The following SLC6A18 variants were observed in gnomAD, a reference collection of about 807,000 sequenced individuals.
The protein encoded by SLC6A18 is solute carrier family 6 member 18.
A neutral mutation model predicts 62.9 loss-of-function variants in SLC6A18; 58 were observed. The ratio of observed to expected loss-of-function variants is 0.92; its 90% CI spans 0.75 to 1.15. The LOEUF is 1.15. SLC6A18 is among the 50% of genes most tolerant of loss of function. The pLI is 0.00. For missense variants in SLC6A18, 793 were observed against 836.6 expected (o/e 0.95, Z 0.64); for synonymous variants, 382 against 365.8 (o/e 1.04, Z -0.51).
In SLC6A18 at chr5:1,240,661, T is replaced by C; in HGVS notation, c.974+2T>C. 5.6e-6 allele frequency: 9 copies of C among 1,613,506 alleles called. No individual in the cohort carries two copies. Among genetic ancestry groups the C allele is most frequent in the Non-Finnish European group, 7.6e-6 (9 of 1,179,894 alleles). On this transcript the variant is annotated splice_donor_variant, in intron 7 of 11. Transcript: ENST00000324642. LOFTEE classifies it high-confidence loss of function. ...TGACTACGAGCACTGCCTGGACAGG[T>C]GAGCACAGGTGCCGCGCCTGGCTCT...
chr5:1,243,613 C>CG lies in SLC6A18; in HGVS notation c.1195dup (p.Ala399GlyfsTer39). On this transcript the variant is annotated frameshift_variant, in exon 9 of 12. Coordinates refer to ENST00000324642, the MANE Select transcript of SLC6A18 (RefSeq NM_182632.3). LOFTEE classifies it high-confidence loss of function. This position sits in a 1 kb window ranked among gnomAD's most constrained non-coding sequence, Gnocchi z 6.5. ...TTCACGGAGACCGACCTCCACATGCCGGGGGCTCCTGTGTGGGCCATGCTC... is the reference window on the plus strand; with the variant it reads ...TTCACGGAGACCGACCTCCACATGCCGGGGGGCTCCTGTGTGGGCCATGCTC... The CG allele has an allele frequency of 1.2e-6, 2 of 1,614,014 alleles. No individual in the cohort carries two copies. The highest frequency in any genetic ancestry group is 8.5e-7 in the Non-Finnish European group (1 of 1,179,990).
rs375818512 is a variant in SLC6A18, at chr5:1,245,883, G to C, written c.1692G>C (p.Pro564=). The C allele has an allele frequency of 1.9e-6, 3 of 1,608,314 alleles. No homozygotes were observed. Among genetic ancestry groups the C allele is most frequent in the Non-Finnish European group, 1.7e-6 (2 of 1,179,202 alleles). ...CCTCGCGTCAGGAGAAGCTCTACCC[G>C]GGCTGGGCGCGCGCCGCCTGTGTGC... is the stretch of plus-strand genomic sequence containing the variant. ...LFPSRQEKLY[P]GWARAACVLL... The change falls in exon 12 of 12, where the codon CCG becomes CCC. Residue 564 remains proline (P), a synonymous_variant. Transcript: ENST00000324642.
Position 1,243,403 on chromosome 5 carries a change from G to C in SLC6A18, c.1132-152G>C, listed in dbSNP as rs899903833. On this transcript the variant is annotated intron_variant, in intron 8 of 11. Transcript: ENST00000324642. The surrounding 1 kb of genome is among the most constrained non-coding windows in gnomAD (Gnocchi z 6.5). ...TGCAGCCTCGTCTCCCAGAAGGCAT[G>C]GCCAGCCCTGAGCCACCTCAGCCCG... The C allele has an allele frequency of 3.6e-6, 3 of 824,092 alleles. No individual in the cohort carries two copies. The African/African-American group carries it at 5.1e-5, about 14-fold the overall frequency. 51.0% of individuals were successfully genotyped at this position (824,092 alleles called of 1,614,324 possible). A position where few individuals can be genotyped will look rare whatever the true frequency, so the allele number is the denominator to read the frequency against.
In SLC6A18 at chr5:1,245,894, G is replaced by C; in HGVS notation, c.1703G>C (p.Arg568Pro). The change falls in exon 12 of 12, where the codon CGC (arginine) becomes CCC (proline). Residue 568 changes from arginine to proline, a missense_variant. By Grantham distance (103) the Arg-to-Pro change is moderately radical. Coordinates refer to ENST00000324642, the MANE Select transcript of SLC6A18 (RefSeq NM_182632.3). ...RQEKLYPGWA[R>P]AACVLLSLLP... ...GAGAAGCTCTACCCGGGCTGGGCGC[G>C]CGCCGCCTGTGTGCTGCTGTCCTTG... is the stretch of plus-strand genomic sequence containing the variant. 3 of 1,607,816 alleles carry C rather than the reference G, an allele frequency of 1.9e-6. No homozygotes were observed. Among genetic ancestry groups the C allele is most frequent in the Non-Finnish European group, 2.5e-6 (3 of 1,179,284 alleles).
chr5:1,242,368 C>T (rs1056701061), intron 7 of SLC6A18, among the ~76,000 whole-genome samples: 2 of 151,318 alleles, frequency 1.3e-5, no homozygotes, highest in South Asian at 2.1e-4. Flanking sequence ...GGCGTCCACA[C>T]GATCCCAACA....
At position 1,244,773 on chromosome 5, in the gene SLC6A18, T is replaced by C. The variant is rs1222818409; in HGVS notation, c.1656+6T>C. On this transcript the variant is annotated splice_donor_region_variant and intron_variant, in intron 11 of 11. Coordinates refer to ENST00000324642, the MANE Select transcript of SLC6A18 (RefSeq NM_182632.3). Reference sequence around the variant, plus strand: ...AGGCCTGGAACCCCAAATACGTAGGTCCTTCCGGTGGGAACCTGGGAAGTC... The same window carrying C: ...AGGCCTGGAACCCCAAATACGTAGGCCCTTCCGGTGGGAACCTGGGAAGTC... The C allele has an allele frequency of 1.3e-6, 2 of 1,592,988 alleles. No homozygotes were observed. The highest frequency in any genetic ancestry group is 1.7e-5 in the Admixed American group (1 of 59,048).
intron 1 of SLC6A18, among the ~76,000 whole-genome samples, chr5:1,227,276 G>A (rs1022587046): frequency 5.3e-5 from 8 of 152,188 alleles, no homozygotes; most frequent in Non-Finnish European, 8.8e-5. Context: ...TCCACGCTGG[G>A]GCAAAGCTGG....
At chr5:1,228,927 C>T (rs759297315) in intron 1 of SLC6A18, among the ~76,000 whole-genome samples, 2 of 152,184 alleles carry the variant, frequency 1.3e-5, no homozygotes, top group Non-Finnish European at 2.9e-5. Context: ...GGAATCAACG[C>T]TTCTTCTTCC....
At chr5:1,230,150 A>G (rs1746691562) in intron 1 of SLC6A18, among the ~76,000 whole-genome samples, 2 of 60,398 alleles carry the variant, frequency 3.3e-5, no homozygotes. Flanking sequence ...TTCACAGTGC[A>G]GGCTGGTCGT....
chr5:1,237,927 A>G (rs1245721073), intron 4 of SLC6A18, 23 bp from the exon 5 acceptor site: 42 of 1,594,542 alleles, frequency 2.6e-5, no homozygotes, highest in Non-Finnish European at 3.2e-5. Context: ...TTCAAGTCTC[A>G]TGACTCCACC....
At chr5:1,228,482 G>A (rs1280580546) in intron 1 of SLC6A18, among the ~76,000 whole-genome samples, 2 of 152,222 alleles carry the variant, frequency 1.3e-5, no homozygotes. Context: ...CATTTGCTCA[G>A]TGGCTGCACT....
intron 1 of SLC6A18, among the ~76,000 whole-genome samples, chr5:1,227,043 G>A (rs149199651): frequency 4.4e-5 from 6 of 135,752 alleles, no homozygotes; most frequent in Admixed American, 2.8e-4. Flanking sequence ...GCCCGCCGAC[G>A]CCTTGCCCGC....
intron 1 of SLC6A18, among the ~76,000 whole-genome samples, chr5:1,231,575 A>G (rs984432187): frequency 6.6e-6 from 1 of 152,206 alleles, no homozygotes; most frequent in African/African-American, 2.4e-5. Context: ...GGAACAGAGC[A>G]GCTCATGCCA....
At chr5:1,244,036 G>C (rs1346498556) in intron 9 of SLC6A18, among the ~76,000 whole-genome samples, 178 bp from the exon 10 acceptor site, 1 of 152,120 alleles carries the variant, frequency 6.6e-6, no homozygotes, top group Admixed American at 6.5e-5. Context: ...CACAATACAG[G>C]AAAGAGACTG....
Position 1,239,524 on chromosome 5 carries a change from C to A in SLC6A18, c.807C>A (p.Phe269Leu), listed in dbSNP as rs137936927. 1.2e-6 allele frequency: 2 copies of A among 1,614,162 alleles called. No homozygotes were observed. Among genetic ancestry groups the A allele is most frequent in the East Asian group, 4.5e-5 (2 of 44,882 alleles). ...TATTCTTCTCTCTGTCCCTGGCCTTCGGAGGACACATCGCTTTTGCAAGTT... is the reference window on the plus strand; with the variant it reads ...TATTCTTCTCTCTGTCCCTGGCCTTAGGAGGACACATCGCTTTTGCAAGTT... ...TQIFFSLSLA[F>L]GGHIAFASYN... Residue 269 changes from phenylalanine to leucine, a missense_variant, in exon 6 of 12, where the codon TTC (phenylalanine) becomes TTA (leucine). Physicochemically the swap from Phe to Leu is conservative, Grantham distance 22. Transcript: ENST00000324642.
chr5:1,232,630 T>G (rs1414480597), intron 2 of SLC6A18, 121 bp from the exon 3 acceptor site: 1 of 1,419,912 alleles, frequency 7.0e-7, no homozygotes, highest in Non-Finnish European at 9.4e-7. Context: ...AGGCCTGGCT[T>G]TCAGCTGCGC....
intron 10 of SLC6A18, 82 bp from the exon 11 acceptor site, chr5:1,244,526 C>T (rs1198943693): frequency 6.5e-7 from 1 of 1,547,328 alleles, no homozygotes; most frequent in Non-Finnish European, 8.7e-7. Flanking sequence ...CAGGTTGGAC[C>T]CCAGTTAGGG....
Position 1,243,498 on chromosome 5 carries a change from G to A in SLC6A18, c.1132-57G>A. The A allele has an allele frequency of 6.4e-7, 1 of 1,567,244 alleles. No individual in the cohort carries two copies. The highest frequency in any genetic ancestry group is 8.7e-7 in the Non-Finnish European group (1 of 1,146,886). On this transcript the variant is annotated intron_variant, in intron 8 of 11. Transcript: ENST00000324642. The surrounding 1 kb of genome is among the most constrained non-coding windows in gnomAD (Gnocchi z 6.5). ...GTGTGTGTCCTGCAGGCAGGCGTGTGTGTGTGGTGGAGTGTGTGTGTGCGT... is the reference window on the plus strand; with the variant it reads ...GTGTGTGTCCTGCAGGCAGGCGTGTATGTGTGGTGGAGTGTGTGTGTGCGT...
chr5:1,233,885 G>A (rs1486233966), intron 3 of SLC6A18, among the ~76,000 whole-genome samples: 1 of 152,024 alleles, frequency 6.6e-6, no homozygotes, highest in Non-Finnish European at 1.5e-5. Context: ...AGGACTACAG[G>A]CGCCTGCCAC....
Sources: gnomAD v4.1 joint callset for allele counts (sites outside exome capture counted in the v4.1 genomes callset) on GRCh38, gnomAD v4.1.1 for gene constraint, Gnocchi (gnomAD v3.1) non-coding constraint, MANE v1.5 for transcripts, NCBI Gene and HGNC (gene_info 2026-07-23, HGNC 2026-07-21) for gene names.